The following USP34 variants were observed in gnomAD, a reference collection of about 807,000 sequenced individuals.
USP34 encodes the protein ubiquitin specific peptidase 34, also known as ubiquitin carboxyl-terminal hydrolase 34.
In USP34, 70 loss-of-function variants were observed where a neutral mutation model predicts 460.3. The ratio of observed to expected loss-of-function variants is 0.15; its 90% CI spans 0.13 to 0.19. The LOEUF (loss-of-function observed/expected upper bound fraction) is 0.19. Among genes scored for constraint, USP34 ranks in the 10% least tolerant of loss-of-function variants. The pLI, the probability that USP34 is intolerant of heterozygous loss-of-function variation, is 1.00. For missense variants in USP34, 3,985 were observed against 4,236.2 expected (o/e 0.94, Z 1.65); for synonymous variants, 1,647 against 1,405.3 (o/e 1.17, Z -3.85).
chr2:61,357,621 T>C (rs757805803), intron 10 of USP34, among the ~76,000 whole-genome samples: 5 of 152,210 alleles, frequency 3.3e-5, no homozygotes, highest in Non-Finnish European at 7.3e-5. Context: ...AGAAAGCTGG[T>C]CAGATGCAGT....
chr2:61,462,549 CAAAAAAA>C (rs112630836), intron 1 of USP34, among the ~76,000 whole-genome samples: 1 of 104,326 alleles, frequency 9.6e-6, no homozygotes, highest in Non-Finnish European at 2.1e-5. Context: ...ACTCCGTCTC[CAAAAAAA>C]AAAAAAAAAT....
intron 3 of USP34, among the ~76,000 whole-genome samples, chr2:61,402,208 A>G (rs1461574903): frequency 2.0e-5 from 3 of 152,136 alleles, no homozygotes; most frequent in African/African-American, 7.2e-5. Context: ...TGAGCCCAGG[A>G]ATTCAAGGTT....
intron 10 of USP34, among the ~76,000 whole-genome samples, chr2:61,364,040 A>G (rs12478192): frequency 0.53 from 80,018 of 151,960 alleles, 21,379 homozygotes; most frequent in South Asian, 0.73. Flanking sequence ...CCACTTATAG[A>G]AGGTACCTAG....
intron 29 of USP34, among the ~76,000 whole-genome samples, chr2:61,297,566 T>C (rs536268188): frequency 4.1e-4 from 63 of 152,194 alleles, no homozygotes; most frequent in African/African-American, 1.5e-3. Flanking sequence ...GTAAAAAGAG[T>C]AAAAACTAAA....
At chr2:61,463,821 C>CA (rs1695679301) in intron 1 of USP34, among the ~76,000 whole-genome samples, 1 of 144,450 alleles carries the variant, frequency 6.9e-6, no homozygotes, top group Non-Finnish European at 1.5e-5. Flanking sequence ...GCAACAGGAA[C>CA]AAAATTCCTT....
At chr2:61,307,534 GT>G (rs1365459233) in intron 27 of USP34, among the ~76,000 whole-genome samples, 1 of 151,226 alleles carries the variant, frequency 6.6e-6, no homozygotes, top group Admixed American at 6.6e-5. Flanking sequence ...ATAAATAAGA[GT>G]TTATAAGACT....
chr2:61,346,523 C>A, intron 15 of USP34, among the ~76,000 whole-genome samples: 1 of 87,692 alleles, frequency 1.1e-5, no homozygotes, highest in African/African-American at 4.9e-5. Context: ...GAGACCCTAT[C>A]TCTTAAAAAA....
chr2:61,229,487 A>AAAACAAAAAC, intron 59 of USP34, 61 bp downstream of exon 59: 1 of 820,746 alleles, frequency 1.2e-6, no homozygotes, highest in Non-Finnish European at 1.6e-6. Context: ...AAAAAAAAAA[A>AAAACAAAAAC]ACAAAAACAC....
At chr2:61,288,649 TCATTAAA>T (rs747583791) in intron 34 of USP34, 21 bp downstream of exon 34, 1 of 1,599,832 alleles carries the variant, frequency 6.3e-7, no homozygotes, top group Admixed American at 1.7e-5. Flanking sequence ...ATGGAATTCA[TCATTAAA>T]CATTAATTTC....
chr2:61,424,976 C>T (rs553506555), intron 1 of USP34, among the ~76,000 whole-genome samples: 133 of 152,198 alleles, frequency 8.7e-4, no homozygotes, highest in African/African-American at 3.0e-3. Flanking sequence ...TGTACCACCA[C>T]GCCCGGCTAA....
rs753786571 is a variant in USP34, at chr2:61,421,367, C to T, written c.44-534G>A. On this transcript the variant is annotated intron_variant, in intron 1 of 79. Transcript: ENST00000398571. ...TGAAGTCACAGCTTCCTTCACACGG[C>T]GTTCCTCTTTTGATATGAGGAAGCT... 3.9e-5 allele frequency among the ~76,000 whole-genome samples: 6 copies of T among 152,156 alleles called. No individual in the cohort carries two copies. The East Asian group carries it at 7.7e-4, about 20-fold the overall frequency.
intron 39 of USP34, among the ~76,000 whole-genome samples, chr2:61,279,341 T>C (rs1002864154): frequency 6.6e-6 from 1 of 152,202 alleles, no homozygotes; most frequent in Non-Finnish European, 1.5e-5. Context: ...GTCCTAAATA[T>C]TTCAAAGGAT....
At chr2:61,215,674 G>A (rs1687375165) in intron 67 of USP34, among the ~76,000 whole-genome samples, 1 of 152,220 alleles carries the variant, frequency 6.6e-6, no homozygotes, top group South Asian at 2.1e-4. Flanking sequence ...CACAGATAAA[G>A]AGGTGGAGGC....
At chr2:61,270,702 C>G (rs1050481912) in intron 41 of USP34, among the ~76,000 whole-genome samples, 4 of 152,090 alleles carry the variant, frequency 2.6e-5, no homozygotes, top group African/African-American at 4.8e-5. Context: ...TCCCAATGTG[C>G]TGGGATTACA....
At position 61,281,090 on chromosome 2, in the gene USP34, C is replaced by T. The variant is rs377220990; in HGVS notation, c.5151G>A (p.Arg1717=). The change falls in exon 38 of 80, where the codon AGG becomes AGA. Residue 1717 remains arginine, a splice_region_variant and synonymous_variant. Coordinates refer to ENST00000398571, the MANE Select transcript of USP34 (RefSeq NM_014709.4). ...LPDAQALKPI[R]IDDYEEEPIL... ...GCTTCTAAACACAGTAAAATCTTAC[C>T]CTAATAGGTTTGAGTGCTTGAGCAT... 100 of 1,612,486 alleles carry T rather than the reference C, an allele frequency of 6.2e-5. No homozygotes were observed. The highest frequency in any genetic ancestry group is 8.3e-5 in the Non-Finnish European group (98 of 1,179,230).
Position 61,232,600 on chromosome 2 carries a change from A to C in USP34, c.7033-68T>G, listed in dbSNP as rs146270211. On this transcript the variant is annotated intron_variant, in intron 57 of 79. Coordinates refer to ENST00000398571, the MANE Select transcript of USP34 (RefSeq NM_014709.4). ...ATTTGTTACATGGGATAACAGTCACATAAGAATTTTATTTCTAGTCAATGT... is the reference window on the plus strand; with the variant it reads ...ATTTGTTACATGGGATAACAGTCACCTAAGAATTTTATTTCTAGTCAATGT... 102 of 1,240,358 alleles carry C rather than the reference A, an allele frequency of 8.2e-5. No individual in the cohort carries two copies. The African/African-American group carries it at 1.3e-3, about 16-fold the overall frequency. 76.8% of individuals were successfully genotyped at this position (1,240,358 alleles called of 1,614,324 possible).
At chr2:61,404,048 A>C (rs572334604) in intron 3 of USP34, among the ~76,000 whole-genome samples, 66 of 151,144 alleles carry the variant, frequency 4.4e-4, no homozygotes, top group Non-Finnish European at 9.0e-4. Flanking sequence ...AGAAGGACAG[A>C]AAGTACAACT....
At chr2:61,303,561 A>G (rs1274468166) in intron 27 of USP34, among the ~76,000 whole-genome samples, 1 of 152,228 alleles carries the variant, frequency 6.6e-6, no homozygotes, top group Admixed American at 6.5e-5. Context: ...TTCATTAGGA[A>G]AAGCTTTGGC....
intron 1 of USP34, among the ~76,000 whole-genome samples, chr2:61,433,531 G>C (rs572839271): frequency 6.6e-6 from 1 of 152,242 alleles, no homozygotes; most frequent in East Asian, 1.9e-4. Context: ...CTACTGAGGA[G>C]GCTGAGGCAG....
Sources: allele counts gnomAD v4.1 joint callset (sites outside exome capture counted in the v4.1 genomes callset), GRCh38; gene constraint gnomAD v4.1.1; transcripts MANE v1.5; gene names NCBI Gene and HGNC (gene_info 2026-07-23, HGNC 2026-07-21).